Variants in PHF14 observed in about 807,000 individuals in gnomAD.
The protein encoded by PHF14 is PHD finger protein 14.
Under a neutral mutation model 117.9 loss-of-function variants are expected in PHF14, and 55 were observed. That is an observed-to-expected ratio of 0.47 (90% CI 0.38 to 0.58). The LOEUF (loss-of-function observed/expected upper bound fraction) is 0.58. PHF14 is among the 20% of genes least tolerant of loss of function. The pLI is 0.00. For missense variants in PHF14, 978 were observed against 1,122.2 expected (o/e 0.87, Z 1.84); for synonymous variants, 409 against 368.6 (o/e 1.11, Z -1.26).
intron 17 of PHF14, among the ~76,000 whole-genome samples, chr7:11,145,764 ATTATC>A (rs1371447894): frequency 2.6e-5 from 4 of 152,108 alleles, no homozygotes; most frequent in African/African-American, 7.2e-5. Flanking sequence ...ATGGAATATT[ATTATC>A]TTATTTTATT....
At chr7:11,086,360 G>T (rs767856720) in intron 16 of PHF14, among the ~76,000 whole-genome samples, 1 of 151,966 alleles carries the variant, frequency 6.6e-6, no homozygotes, top group Non-Finnish European at 1.5e-5. Flanking sequence ...TTAGATCATC[G>T]CAGGTCATTT....
chr7:11,005,941 C>G (rs780684092), intron 4 of PHF14, among the ~76,000 whole-genome samples: 1 of 151,748 alleles, frequency 6.6e-6, no homozygotes, highest in East Asian at 1.9e-4. Flanking sequence ...TACAGGCATG[C>G]GCCACCTCAC....
rs143463060 is a variant in PHF14, at chr7:11,125,174, A to AT, written c.2772+13716dup. On this transcript the variant is annotated intron_variant, in intron 17 of 17. Transcript: ENST00000634607. ...GGTAAAGGAAAGGGATCTAAAGGTG[A>AT]TTTTTTTTTATTAGACACTAAGCAC... Among the ~76,000 whole-genome samples the AT allele has an allele frequency of 1.8e-4, 28 of 151,634 alleles. 1 individual carries two copies. In the South Asian group the frequency reaches 2.9e-3, roughly 16 times the overall value.
At chr7:11,030,763 A>T (rs563660278) in intron 7 of PHF14, among the ~76,000 whole-genome samples, 2 of 152,102 alleles carry the variant, frequency 1.3e-5, no homozygotes, top group Admixed American at 1.3e-4. Flanking sequence ...ATAAAATGCA[A>T]CTTTTCTCCC....
At chr7:11,167,009 T>C (rs1014643156) in intron 17 of PHF14, among the ~76,000 whole-genome samples, 2 of 152,070 alleles carry the variant, frequency 1.3e-5, no homozygotes, top group African/African-American at 4.8e-5. Flanking sequence ...ATTTAAAACA[T>C]ATTCAAATTA....
chr7:11,004,426 C>A (rs1459418865), intron 4 of PHF14, among the ~76,000 whole-genome samples: 4 of 147,486 alleles, frequency 2.7e-5, no homozygotes, highest in Non-Finnish European at 5.9e-5. Context: ...CAATAATATG[C>A]ACACTCTTCT....
At chr7:11,109,185 T>C (rs1787363552) in intron 16 of PHF14, 1 of 151,760 alleles carries the variant, frequency 6.6e-6, no homozygotes, top group African/African-American at 2.4e-5. Context: ...TAACAGATTG[T>C]TGTTGGGGAA....
Position 11,061,995 on chromosome 7 carries a change from A to G in PHF14, c.2564A>G (p.Gln855Arg), listed in dbSNP as rs1161248802. ...GTTCCTAGAGAGAGAAGACAAAGAC[A>G]GTCTGTGTTGCAAAAGAAGCCCAAG... is the stretch of plus-strand genomic sequence containing the variant. ...ERVPRERRQRQSVLQKKPKAE... is the reference protein window; with the variant it reads ...ERVPRERRQRRSVLQKKPKAE... The change falls in exon 16 of 18, where the codon CAG becomes CGG. Residue 855 changes from glutamine (Q) to arginine (R), a missense_variant. By Grantham distance (43) the Gln-to-Arg change is conservative. Transcript: ENST00000634607. 3.1e-6 allele frequency: 5 copies of G among 1,603,686 alleles called. No homozygotes were observed. The highest frequency in any genetic ancestry group is 4.3e-6 in the Non-Finnish European group (5 of 1,174,236).
chr7:11,090,069 C>T (rs2128338566), intron 16 of PHF14, among the ~76,000 whole-genome samples: 1 of 152,324 alleles, frequency 6.6e-6, no homozygotes, highest in African/African-American at 2.4e-5. Flanking sequence ...CCTCACTTGG[C>T]CTGTTCATGC....
chr7:11,045,617 C>A (rs890865704), intron 13 of PHF14, among the ~76,000 whole-genome samples: 1 of 152,156 alleles, frequency 6.6e-6, no homozygotes, highest in Admixed American at 6.5e-5. Context: ...GACACTAGTT[C>A]TAGATTTGGA....
chr7:11,037,232 A>G, intron 10 of PHF14, 141 bp downstream of exon 10: 1 of 608,742 alleles, frequency 1.6e-6, no homozygotes, highest in Non-Finnish European at 2.8e-6. Flanking sequence ...CCTACTCCTC[A>G]TTAGCTTCAT....
At chr7:11,142,769 A>T (rs957484778) in intron 17 of PHF14, among the ~76,000 whole-genome samples, 1 of 152,158 alleles carries the variant, frequency 6.6e-6, no homozygotes, top group Admixed American at 6.5e-5. Context: ...AATAAAATAC[A>T]AATGAAATAG....
chr7:11,117,991 A>C (rs959060368), intron 17 of PHF14, among the ~76,000 whole-genome samples: 1 of 151,796 alleles, frequency 6.6e-6, no homozygotes, highest in Non-Finnish European at 1.5e-5. Flanking sequence ...ATTTTTAGGT[A>C]AGATGTATAC....
At chr7:11,011,858 T>A (rs1783368153) in intron 4 of PHF14, among the ~76,000 whole-genome samples, 1 of 152,214 alleles carries the variant, frequency 6.6e-6, no homozygotes, top group Non-Finnish European at 1.5e-5. Flanking sequence ...TAGAGAAGTG[T>A]ACTTCATTGT....
intron 16 of PHF14, among the ~76,000 whole-genome samples, chr7:11,078,133 A>AT (rs1036501441): frequency 1.3e-5 from 2 of 151,598 alleles, no homozygotes; most frequent in East Asian, 1.9e-4. Flanking sequence ...ATCTAACCTC[A>AT]TTTTTTCCCC....
intron 16 of PHF14, among the ~76,000 whole-genome samples, chr7:11,098,182 A>C (rs532833824): frequency 1.3e-5 from 2 of 152,296 alleles, no homozygotes; most frequent in South Asian, 4.1e-4. Context: ...AGACATTTTG[A>C]TGATTCTGTT....
chr7:11,095,133 T>A (rs1786796322), intron 16 of PHF14, among the ~76,000 whole-genome samples: 1 of 152,142 alleles, frequency 6.6e-6, no homozygotes, highest in African/African-American at 2.4e-5. Context: ...ATAGTAAGAG[T>A]GGTTGAGTTG....
chr7:11,146,507 G>A (rs1326730622), intron 17 of PHF14, among the ~76,000 whole-genome samples: 11 of 152,034 alleles, frequency 7.2e-5, no homozygotes, highest in Admixed American at 3.9e-4. Context: ...AATATTTTAA[G>A]AAATAAGTGA....
At chr7:11,103,359 T>C (rs1787154868) in intron 16 of PHF14, 7 of 955,534 alleles carry the variant, frequency 7.3e-6, no homozygotes, top group Non-Finnish European at 8.7e-6. Flanking sequence ...ACCTTAAATA[T>C]GAACTTAGGA....
Sources: allele counts gnomAD v4.1 joint callset (sites outside exome capture counted in the v4.1 genomes callset), GRCh38; gene constraint gnomAD v4.1.1; transcripts MANE v1.5; gene names NCBI Gene and HGNC (gene_info 2026-07-23, HGNC 2026-07-21).